The following AVEN variants were observed in gnomAD, a reference collection of about 807,000 sequenced individuals.
AVEN encodes cell death regulator Aven.
AVEN carries 41 observed loss-of-function variants against 38.1 expected under a neutral mutation model. The ratio of observed to expected loss-of-function variants is 1.08; its 90% CI spans 0.84 to 1.40. AVEN has a LOEUF of 1.40. Among genes scored for constraint, AVEN ranks in the 40% most tolerant of loss-of-function variants. The probability of loss-of-function intolerance (pLI) is 0.00; values close to 1 mark genes in which losing one functional copy is unlikely to be tolerated. For synonymous variants in AVEN, 206 were observed against 171.8 expected, an observed-to-expected ratio of 1.20 and a Z score of -1.56; for missense variants, 605 against 438.8, an observed-to-expected ratio of 1.38 and a Z score of -3.38.
intron 2 of AVEN, among the ~76,000 whole-genome samples, chr15:33,988,277 G>T (rs965680883): frequency 6.6e-6 from 1 of 152,064 alleles, no homozygotes; most frequent in Non-Finnish European, 1.5e-5. Flanking sequence ...AATATATTTC[G>T]ATTTTAATGA....
At chr15:33,932,936 A>G (rs1407125735) in intron 2 of AVEN, among the ~76,000 whole-genome samples, 1 of 152,216 alleles carries the variant, frequency 6.6e-6, no homozygotes, top group African/African-American at 2.4e-5. Flanking sequence ...TAGATGAAAT[A>G]AATAATAGAA....
At chr15:33,987,239 A>G (rs1441850049) in intron 2 of AVEN, among the ~76,000 whole-genome samples, 2 of 152,150 alleles carry the variant, frequency 1.3e-5, no homozygotes, top group African/African-American at 4.8e-5. Flanking sequence ...AGTATCCCAT[A>G]TGTGCTTTAT....
intron 1 of AVEN, among the ~76,000 whole-genome samples, chr15:34,012,386 AT>A (rs1296432233): frequency 2.6e-5 from 4 of 152,218 alleles, no homozygotes; most frequent in Non-Finnish European, 4.4e-5. Flanking sequence ...CTTTATATAA[AT>A]ACCCTGAGCA....
At chr15:33,914,651 G>A (rs952349911) in intron 2 of AVEN, among the ~76,000 whole-genome samples, 2 of 150,816 alleles carry the variant, frequency 1.3e-5, no homozygotes, top group Non-Finnish European at 2.9e-5. Context: ...TGATACTGCT[G>A]AGTGACAAGG....
intron 2 of AVEN, among the ~76,000 whole-genome samples, chr15:33,961,673 C>T (rs546687787): frequency 0.012 from 1,818 of 151,460 alleles, 36 homozygotes; most frequent in African/African-American, 0.039. Flanking sequence ...ATTAGCCGGG[C>T]GTGGTGGCGG....
At chr15:34,009,930 C>A (rs1030418358) in intron 1 of AVEN, among the ~76,000 whole-genome samples, 2 of 152,028 alleles carry the variant, frequency 1.3e-5, no homozygotes, top group African/African-American at 2.4e-5. Flanking sequence ...ACACTGTACT[C>A]CAGCCTGGGC....
chr15:33,871,632 G>T (rs1890955156), intron 3 of AVEN, among the ~76,000 whole-genome samples: 2 of 152,102 alleles, frequency 1.3e-5, no homozygotes, highest in African/African-American at 4.8e-5. Context: ...CTGACAAGCT[G>T]AAAGAAAAGC....
At chr15:34,047,370 C>T (rs1899745073) in intron 5 of AVEN, among the ~76,000 whole-genome samples, 1 of 152,140 alleles carries the variant, frequency 6.6e-6, no homozygotes, top group Non-Finnish European at 1.5e-5. Flanking sequence ...AGCCACCGTG[C>T]CCGGCGGAGA....
chr15:33,862,105 A>AT (rs1401518726), downstream of AVEN, among the ~76,000 whole-genome samples: 2 of 152,084 alleles, frequency 1.3e-5, no homozygotes, highest in East Asian at 3.8e-4. Flanking sequence ...TTATTACCTG[A>AT]TAACTCAGAC....
chr15:34,043,672 G>C (rs953553105), upstream of AVEN, among the ~76,000 whole-genome samples: 1 of 152,126 alleles, frequency 6.6e-6, no homozygotes, highest in African/African-American at 2.4e-5. Context: ...GACTTGAAGG[G>C]CTGGAGTCAT....
intron 2 of AVEN, among the ~76,000 whole-genome samples, chr15:33,893,339 T>A (rs1280873537): frequency 3.3e-5 from 5 of 152,216 alleles, no homozygotes; most frequent in Admixed American, 3.3e-4. Flanking sequence ...CCATTCAGTA[T>A]GATATTGGCT....
chr15:33,872,923 C>A (rs914333325), intron 3 of AVEN, among the ~76,000 whole-genome samples: 7 of 151,894 alleles, frequency 4.6e-5, no homozygotes, highest in African/African-American at 1.7e-4. Flanking sequence ...GACCGCCGAC[C>A]TGTGTCCCTT....
chr15:34,029,325 C>A (rs7175823), intron 1 of AVEN, among the ~76,000 whole-genome samples: 23,169 of 151,924 alleles, frequency 0.15, 2,133 homozygotes, highest in Middle Eastern at 0.28. Flanking sequence ...CATAAAATAA[C>A]ACCTGGCCAC....
intron 2 of AVEN, among the ~76,000 whole-genome samples, chr15:33,958,443 C>G (rs1168020812): frequency 6.6e-6 from 1 of 151,988 alleles, no homozygotes; most frequent in South Asian, 2.1e-4. Flanking sequence ...ACAAAAAAAT[C>G]AGCCAGGCAT....
At chr15:34,039,603 A>G (rs553149389), upstream of AVEN, among the ~76,000 whole-genome samples, 7 of 152,290 alleles carry the variant, frequency 4.6e-5, no homozygotes, top group African/African-American at 1.7e-4. Flanking sequence ...GTGGATGTAA[A>G]GACAAGAGTT....
At chr15:34,072,475 T>G (rs1314589230) in intron 1 of AVEN, among the ~76,000 whole-genome samples, 1 of 149,680 alleles carries the variant, frequency 6.7e-6, no homozygotes, top group African/African-American at 2.5e-5. Context: ...TAGCTGGGTG[T>G]GGTGGTGTGC....
chr15:33,961,591 A>G (rs1368553762), intron 2 of AVEN, among the ~76,000 whole-genome samples: 1 of 151,868 alleles, frequency 6.6e-6, no homozygotes, highest in Admixed American at 6.6e-5. Context: ...AGGTGGGCGA[A>G]TCACGAGGTC....
At chr15:33,950,775 G>T (rs937151921) in intron 2 of AVEN, among the ~76,000 whole-genome samples, 1 of 152,216 alleles carries the variant, frequency 6.6e-6, no homozygotes, top group Non-Finnish European at 1.5e-5. Context: ...GGAGGCCAAG[G>T]CAGGAGAACA....
intron 2 of AVEN, among the ~76,000 whole-genome samples, chr15:33,907,554 C>A (rs1892752071): frequency 6.6e-6 from 1 of 152,116 alleles, no homozygotes; most frequent in Non-Finnish European, 1.5e-5. Context: ...ATATTTCAGG[C>A]CAGACTGTTG....
Sources: gnomAD v4.1 joint callset for allele counts (sites outside exome capture counted in the v4.1 genomes callset) on GRCh38, gnomAD v4.1.1 for gene constraint, MANE v1.5 for transcripts, NCBI Gene and HGNC (gene_info 2026-07-23, HGNC 2026-07-21) for gene names.